Variants in SLC35B4 observed in about 807,000 individuals in gnomAD.
The protein encoded by SLC35B4 is solute carrier family 35 member B4, also known as nucleotide sugar transporter SLC35B4.
SLC35B4 carries 28 observed loss-of-function variants against 39.5 expected under a neutral mutation model. The observed-to-expected ratio is 0.71, with a 90% confidence interval of 0.53 to 0.97. The LOEUF is 0.97. SLC35B4 is among the 50% of genes least tolerant of loss of function. SLC35B4 has a pLI of 0.00. For synonymous variants in SLC35B4, 145 were observed against 150.4 expected, an observed-to-expected ratio of 0.96 and a Z score of 0.26; for missense variants, 334 against 414.3, an observed-to-expected ratio of 0.81 and a Z score of 1.68.
chr7:134,313,007 CT>C (rs1803881017), intron 1 of SLC35B4, among the ~76,000 whole-genome samples: 1 of 152,196 alleles, frequency 6.6e-6, no homozygotes, highest in Non-Finnish European at 1.5e-5. Context: ...CCCTATTCTA[CT>C]TTTTGTTTCT....
intron 9 of SLC35B4, 37 bp downstream of exon 9, chr7:134,296,354 T>G: frequency 1.3e-6 from 2 of 1,559,922 alleles, no homozygotes; most frequent in Non-Finnish European, 1.8e-6. Flanking sequence ...AAGAACCTGA[T>G]GATGACATAA....
intron 2 of SLC35B4, among the ~76,000 whole-genome samples, chr7:134,308,441 T>C (rs893606024): frequency 7.9e-5 from 12 of 152,270 alleles, no homozygotes; most frequent in Admixed American, 6.5e-4. Context: ...TGCTGGTCTT[T>C]AGGGGCAGAA....
chr7:134,308,253 G>A (rs535999609), intron 2 of SLC35B4, among the ~76,000 whole-genome samples: 3 of 152,240 alleles, frequency 2.0e-5, no homozygotes, highest in Admixed American at 6.5e-5. Context: ...TGAAATTGAT[G>A]GATGAAGAGG....
At chr7:134,298,781 G>A (rs564583144) in intron 8 of SLC35B4, among the ~76,000 whole-genome samples, 2 of 152,192 alleles carry the variant, frequency 1.3e-5, no homozygotes, top group Non-Finnish European at 2.9e-5. Flanking sequence ...AATGTTTACT[G>A]AGCACCTACT....
intron 8 of SLC35B4, among the ~76,000 whole-genome samples, chr7:134,298,507 T>C (rs756696963): frequency 1.3e-5 from 2 of 152,252 alleles, no homozygotes; most frequent in African/African-American, 4.8e-5. Flanking sequence ...CTGTGATTTT[T>C]AGAAGCAGCA....
upstream of SLC35B4, among the ~76,000 whole-genome samples, chr7:134,318,726 C>T (rs959932378): frequency 2.6e-5 from 4 of 152,116 alleles, no homozygotes; most frequent in Non-Finnish European, 5.9e-5. Flanking sequence ...AAAGGATGTT[C>T]TAAACATTTC....
rs1254080994 is a variant in SLC35B4 at position 134,309,443 on chromosome 7, TGC to T, written c.112_113del (p.Ala38ThrfsTer13). The part of the protein sequence containing the change: ...HPGCGNIVTF[A>X]QFLFIAVEGF... ...CTTCCACAGCAATAAATAAAAATTG[TGC>T]AAATGTCACAATGTTCCCACATCCT... On this transcript the variant is annotated frameshift_variant, in exon 2 of 10. Coordinates refer to ENST00000378509, the MANE Select transcript of SLC35B4 (RefSeq NM_032826.5). LOFTEE classifies it high-confidence loss of function. The T allele has an allele frequency of 6.2e-7, 1 of 1,611,380 alleles. No individual in the cohort carries two copies. The highest frequency in any genetic ancestry group is 8.5e-7 in the Non-Finnish European group (1 of 1,179,648).
At chr7:134,308,779 G>A (rs1259265770) in intron 2 of SLC35B4, among the ~76,000 whole-genome samples, 1 of 152,136 alleles carries the variant, frequency 6.6e-6, no homozygotes, top group Non-Finnish European at 1.5e-5. Flanking sequence ...GAACTGCCCT[G>A]TTTTCTATTT....
In SLC35B4 at chr7:134,300,195, T is replaced by C. The variant is rs370514260; in HGVS notation, c.554A>G (p.Tyr185Cys). The stretch of plus-strand genomic sequence containing the variant: ...CTTGGAGTGTTTCCCAAATCGTTTG[T>C]AGAGAGTCTCTTGGAATATCCCCAT... ...ARMGIFQETL[Y>C]KRFGKHSKEA... is the part of the protein sequence containing the mutation. Residue 185 changes from tyrosine to cysteine, a missense_variant, in exon 7 of 10, where the codon TAC becomes TGC. Transcript: ENST00000378509. 6.8e-6 allele frequency: 11 copies of C among 1,613,324 alleles called. No individual in the cohort carries two copies. The African/African-American group carries it at 1.1e-4, about 16-fold the overall frequency.
In SLC35B4 at chr7:134,293,147, T is replaced by TACACACACACACATACACAC. The variant is rs1803371916; in HGVS notation, c.*1685_*1686insGTGTGTATGTGTGTGTGTGT. 6.6e-6 allele frequency: 1 copy of TACACACACACACATACACAC among 150,510 alleles called. No homozygotes were observed. Among genetic ancestry groups the TACACACACACACATACACAC allele is most frequent in the African/African-American group, 2.4e-5 (1 of 40,932 alleles). 9.3% of individuals were successfully genotyped at this position (150,510 alleles called of 1,614,324 possible). A position where few individuals can be genotyped will look rare whatever the true frequency, so the allele number is the denominator to read the frequency against. On this transcript the variant is annotated 3_prime_UTR_variant, in exon 10 of 10. Coordinates refer to ENST00000378509, the MANE Select transcript of SLC35B4 (RefSeq NM_032826.5). The stretch of plus-strand genomic sequence containing the variant: ...TGTGCACCACACACACACACATACA[T>TACACACACACACATACACAC]ACACACACACACACACAGTCTTTGT...
At position 134,316,842 on chromosome 7, in the gene SLC35B4, G is replaced by A; in HGVS notation, c.-91C>T. ...AGCCGGCCTCCTGCCTCTTCGCTGCGCAGCACATCGCACCGTCCTGGAAAG... is the reference window on the plus strand; with the variant it reads ...AGCCGGCCTCCTGCCTCTTCGCTGCACAGCACATCGCACCGTCCTGGAAAG... On this transcript the variant is annotated 5_prime_UTR_variant, in exon 1 of 10. Transcript: ENST00000378509. The A allele has an allele frequency of 2.3e-6, 3 of 1,292,744 alleles. No homozygotes were observed. Among genetic ancestry groups the A allele is most frequent in the Non-Finnish European group, 3.2e-6 (3 of 927,956 alleles). The allele number at this position is 1,292,744 out of a possible 1,614,324, so 80.1% of individuals were successfully genotyped here. A position where few individuals can be genotyped will look rare whatever the true frequency, so the allele number is the denominator to read the frequency against.
chr7:134,290,335 A>G lies in SLC35B4; in HGVS notation c.*4498T>C, dbSNP rs1868783. 76,358 of 151,960 alleles carry G rather than the reference A, an allele frequency of 0.5. 19,713 individuals carry two copies. Among genetic ancestry groups the G allele is most frequent in the African/African-American group, 0.59 (24,624 of 41,426 alleles). The allele number at this position is 151,960 out of a possible 1,614,324, so 9.4% of individuals were successfully genotyped here. A position where few individuals can be genotyped will look rare whatever the true frequency, so the allele number is the denominator to read the frequency against. Reference sequence around the variant, plus strand: ...TTTCCCCTTATTTGCTTTCTTGCCAACCCGCTGATGAGGAGTGGGAACAGG... The same window carrying G: ...TTTCCCCTTATTTGCTTTCTTGCCAGCCCGCTGATGAGGAGTGGGAACAGG... On this transcript the variant is annotated 3_prime_UTR_variant, in exon 10 of 10. Transcript: ENST00000378509.
intron 3 of SLC35B4, among the ~76,000 whole-genome samples, chr7:134,306,323 A>T (rs560026409): frequency 2.6e-5 from 4 of 152,002 alleles, no homozygotes; most frequent in Non-Finnish European, 5.9e-5. Context: ...ATGTACTTTT[A>T]TGAAAGAAGA....
rs1803307389 is a variant in SLC35B4, at chr7:134,290,389, C to G, written c.*4444G>C. 6.6e-6 allele frequency: 1 copy of G among 152,140 alleles called. No individual in the cohort carries two copies. Among genetic ancestry groups the G allele is most frequent in the Non-Finnish European group, 1.5e-5 (1 of 68,038 alleles). The allele number at this position is 152,140 out of a possible 1,614,324, so 9.4% of individuals were successfully genotyped here. On this transcript the variant is annotated 3_prime_UTR_variant, in exon 10 of 10. Coordinates refer to ENST00000378509, the MANE Select transcript of SLC35B4 (RefSeq NM_032826.5). Reference sequence around the variant, plus strand: ...CACGAACCCTCAGGTTTTCCAGAAACTTGAGGGAAGAAGAGATCTTGGCAA... The same window carrying G: ...CACGAACCCTCAGGTTTTCCAGAAAGTTGAGGGAAGAAGAGATCTTGGCAA...
chr7:134,302,804 G>A (rs933614193), intron 4 of SLC35B4, among the ~76,000 whole-genome samples: 1 of 152,022 alleles, frequency 6.6e-6, no homozygotes, highest in Non-Finnish European at 1.5e-5. Context: ...AACCATCCCA[G>A]GTTTTCTACT....
chr7:134,316,164 A>G (rs1185834748), intron 1 of SLC35B4, among the ~76,000 whole-genome samples: 1 of 152,228 alleles, frequency 6.6e-6, no homozygotes, highest in African/African-American at 2.4e-5. Flanking sequence ...CGTAATAAAA[A>G]TAAAACTTTC....
chr7:134,319,289 G>A (rs35897242), upstream of SLC35B4, among the ~76,000 whole-genome samples: 56,604 of 152,034 alleles, frequency 0.37, 11,724 homozygotes, highest in South Asian at 0.49. Flanking sequence ...TGAGAGCCGT[G>A]ATGACTTCTT....
intron 1 of SLC35B4, among the ~76,000 whole-genome samples, chr7:134,314,264 C>T (rs139320095): frequency 2.5e-4 from 38 of 152,292 alleles, no homozygotes; most frequent in African/African-American, 9.1e-4. Flanking sequence ...TTAGGCTTCA[C>T]ATGCGCATCT....
rs1486623989 is a variant in SLC35B4 at position 134,309,459 on chromosome 7, T to G, written c.98A>C (p.Asn33Thr). Residue 33 changes from asparagine to threonine, a missense_variant, in exon 2 of 10, where the codon AAC becomes ACC. Asn to Thr is a moderately conservative substitution (Grantham distance 65). Coordinates refer to ENST00000378509, the MANE Select transcript of SLC35B4 (RefSeq NM_032826.5). Reference protein sequence around the residue: ...LLARKHPGCGNIVTFAQFLFI... With the variant: ...LLARKHPGCGTIVTFAQFLFI... ...TAAAAATTGTGCAAATGTCACAATG[T>G]TCCCACATCCTGGATGCTTCCTGTA... 1.2e-6 allele frequency: 2 copies of G among 1,610,520 alleles called. No homozygotes were observed. Among genetic ancestry groups the G allele is most frequent in the Non-Finnish European group, 8.5e-7 (1 of 1,179,464 alleles).
Sources: allele counts gnomAD v4.1 joint callset (sites outside exome capture counted in the v4.1 genomes callset), GRCh38; gene constraint gnomAD v4.1.1; transcripts MANE v1.5; gene names NCBI Gene and HGNC (gene_info 2026-07-23, HGNC 2026-07-21).